The following AKAP9 variants were observed in gnomAD, a reference collection of about 807,000 sequenced individuals.
The protein encoded by AKAP9 is A-kinase anchor protein 9.
In AKAP9, 311 loss-of-function variants were observed where a neutral mutation model predicts 488.5. The observed-to-expected ratio is 0.64, with a 90% CI of 0.58 to 0.70. The LOEUF is 0.70. Ranked by LOEUF, AKAP9 falls within the 30% of genes least tolerant of loss-of-function variation. The probability of loss-of-function intolerance (pLI) is 0.00; values close to 1 mark genes in which losing one functional copy is unlikely to be tolerated. For synonymous variants in AKAP9, 1,462 were observed against 1,483.5 expected (o/e 0.99, Z 0.33); for missense variants, 4,215 against 4,374.5 (o/e 0.96, Z 1.03).
chr7:91,956,902 G>A (rs1423824823), intron 1 of AKAP9, among the ~76,000 whole-genome samples: 1 of 152,120 alleles, frequency 6.6e-6, no homozygotes, highest in East Asian at 1.9e-4. Context: ...GATGCTTTTT[G>A]TGGATAAAAG....
At chr7:91,966,248 G>T (rs1345936511) in intron 1 of AKAP9, among the ~76,000 whole-genome samples, 1 of 151,926 alleles carries the variant, frequency 6.6e-6, no homozygotes, top group Non-Finnish European at 1.5e-5. Flanking sequence ...CTCTGCTTTT[G>T]AGATCTTAGA....
chr7:92,035,625 T>TAA (rs34999518), intron 16 of AKAP9, among the ~76,000 whole-genome samples: 3 of 152,202 alleles, frequency 2.0e-5, no homozygotes, highest in Admixed American at 6.5e-5. Flanking sequence ...GTGAATTTTT[T>TAA]AAAAAAATAG....
intron 21 of AKAP9, among the ~76,000 whole-genome samples, chr7:92,049,250 A>C (rs1356927575): frequency 2.0e-5 from 3 of 152,222 alleles, no homozygotes; most frequent in Non-Finnish European, 2.9e-5. Flanking sequence ...TATTATTGGC[A>C]TCTTGTGAAG....
At position 92,003,122 on chromosome 7, in the gene AKAP9, C is replaced by G; in HGVS notation, c.3205C>G (p.Gln1069Glu). 1 of 1,611,070 alleles carries G rather than the reference C, an allele frequency of 6.2e-7. No individual in the cohort carries two copies. The highest frequency in any genetic ancestry group is 8.5e-7 in the Non-Finnish European group (1 of 1,178,324). The change falls in exon 8 of 50, where the codon CAG becomes GAG. Residue 1069 changes from glutamine (Q) to glutamate (E), a missense_variant. Physicochemically the swap from Gln to Glu is conservative, Grantham distance 29. Around this residue, in one of 5 missense-constraint regions of AKAP9, gnomAD observed 2,361 missense variants for 2,430.0 expected, o/e 0.97. Transcript: ENST00000356239. ...TGTTGGAGAAGAAAGTAAGCAAGAA[C>G]AGTTGATTTTGGATCACTTACCATC... Reference protein sequence around the residue: ...MTVGEESKQEQLILDHLPSVT... With the variant: ...MTVGEESKQEELILDHLPSVT...
chr7:92,062,156 A>G, intron 23 of AKAP9, 118 bp from the exon 24 acceptor site: 2 of 870,924 alleles, frequency 2.3e-6, no homozygotes, highest in South Asian at 3.1e-5. Context: ...AAGACTTTTA[A>G]TAGGTTGGAA....
intron 12 of AKAP9, among the ~76,000 whole-genome samples, chr7:92,021,477 C>G (rs1165030688): frequency 6.6e-6 from 1 of 152,094 alleles, no homozygotes; most frequent in Non-Finnish European, 1.5e-5. Flanking sequence ...CTTGCTCTGT[C>G]TCCCAGGCTA....
At chr7:91,979,603 T>C (rs1375460045) in intron 2 of AKAP9, among the ~76,000 whole-genome samples, 1 of 152,216 alleles carries the variant, frequency 6.6e-6, no homozygotes, top group Non-Finnish European at 1.5e-5. Context: ...CCTATACTCA[T>C]ATACTTATGA....
chr7:92,055,925 C>G (rs1482716680), intron 22 of AKAP9, among the ~76,000 whole-genome samples: 1 of 151,796 alleles, frequency 6.6e-6, no homozygotes, highest in Non-Finnish European at 1.5e-5. Context: ...AGCTTCTTAC[C>G]TTGACCTGTG....
rs1328698974 is a variant in AKAP9 at position 92,103,729 on chromosome 7, C to T, written c.11330+903C>T. Among the ~76,000 whole-genome samples, 12 of 151,194 alleles carry T rather than the reference C, an allele frequency of 7.9e-5. No homozygotes were observed. In the East Asian group the frequency reaches 2.3e-3, roughly 29 times the overall value. Reference sequence around the variant, plus strand: ...AAAAAAATCTGAATAAGCCCATGAACAAGCTCACACATGTAAATAAATAAA... The same window carrying T: ...AAAAAAATCTGAATAAGCCCATGAATAAGCTCACACATGTAAATAAATAAA... On this transcript the variant is annotated intron_variant, in intron 46 of 49. Transcript: ENST00000356239.
intron 7 of AKAP9, among the ~76,000 whole-genome samples, chr7:91,998,960 T>C (rs1284645178): frequency 1.3e-5 from 2 of 152,154 alleles, no homozygotes; most frequent in Non-Finnish European, 2.9e-5. Context: ...ATTAATATCC[T>C]ATTGTAGTGC....
intron 20 of AKAP9, chr7:92,043,362 A>T (rs1806427021): frequency 1.0e-6 from 1 of 981,206 alleles, no homozygotes; most frequent in Non-Finnish European, 1.2e-6. Flanking sequence ...TATGGAACTC[A>T]AACAAGAAAG....
intron 22 of AKAP9, among the ~76,000 whole-genome samples, chr7:92,060,397 G>A (rs953193838): frequency 1.3e-5 from 2 of 152,044 alleles, no homozygotes; most frequent in Non-Finnish European, 2.9e-5. Context: ...AGAAACATTT[G>A]AGTTCAATTT....
chr7:91,948,575 T>C (rs1791765155), intron 1 of AKAP9, among the ~76,000 whole-genome samples: 1 of 151,384 alleles, frequency 6.6e-6, no homozygotes, highest in Admixed American at 6.6e-5. Flanking sequence ...GTATCATCTT[T>C]TAATGCACTT....
At chr7:92,065,555 T>C in intron 25 of AKAP9, 92 bp downstream of exon 25, 1 of 917,204 alleles carries the variant, frequency 1.1e-6, no homozygotes, top group East Asian at 2.7e-5. Context: ...GAAAAGACTG[T>C]TGAGTTAGTT....
At position 92,063,483 on chromosome 7, in the gene AKAP9, A is replaced by C. The variant is rs542127100; in HGVS notation, c.5977+997A>C. On this transcript the variant is annotated intron_variant, in intron 24 of 49. Transcript: ENST00000356239. ...CTAGGACTAGTAGATGCTGCAGTCG[A>C]TGCAGCACCAGGAGCAGGTGTGTGT... 6 of 981,648 alleles carry C rather than the reference A, an allele frequency of 6.1e-6. No homozygotes were observed. The Admixed American group carries it at 3.8e-4, about 62-fold the overall frequency. The allele number at this position is 981,648 out of a possible 1,614,324, so 60.8% of individuals were successfully genotyped here. A position where few individuals can be genotyped will look rare whatever the true frequency, so the allele number is the denominator to read the frequency against.
chr7:92,002,613 A>C lies in AKAP9; in HGVS notation c.2696A>C (p.Glu899Ala), dbSNP rs1176264114. Residue 899 changes from glutamate (E) to alanine (A), a missense_variant, in exon 8 of 50, where the codon GAG becomes GCG. Physicochemically the swap from Glu to Ala is moderately radical, Grantham distance 107 (BLOSUM62 -1). Transcript: ENST00000356239. The part of the protein sequence containing the change: ...YKSKLKALNE[E>A]LHLQRINPTT... Reference sequence around the variant, plus strand: ...AGTAAACTTAAAGCACTTAATGAAGAGCTTCATTTGCAAAGAATAAATCCA... The same window carrying C: ...AGTAAACTTAAAGCACTTAATGAAGCGCTTCATTTGCAAAGAATAAATCCA... 6.2e-7 allele frequency: 1 copy of C among 1,610,574 alleles called. No individual in the cohort carries two copies. The highest frequency in any genetic ancestry group is 2.2e-5 in the East Asian group (1 of 44,814).
intron 6 of AKAP9, among the ~76,000 whole-genome samples, chr7:91,995,240 A>T (rs1359716205): frequency 6.6e-6 from 1 of 152,216 alleles, no homozygotes; most frequent in African/African-American, 2.4e-5. Flanking sequence ...GGAGGTACTT[A>T]GTGTAAGGAT....
intron 1 of AKAP9, among the ~76,000 whole-genome samples, chr7:91,972,875 A>C (rs1185113357): frequency 1.3e-5 from 2 of 152,264 alleles, no homozygotes; most frequent in Non-Finnish European, 2.9e-5. Flanking sequence ...AGGGCTGGAA[A>C]GCACTGCTGT....
At chr7:91,986,105 G>T (rs559957285) in intron 3 of AKAP9, among the ~76,000 whole-genome samples, 5 of 152,210 alleles carry the variant, frequency 3.3e-5, no homozygotes, top group African/African-American at 1.2e-4. Flanking sequence ...CCTGTTATTG[G>T]TCTATTCCGA....
Sources: allele counts gnomAD v4.1 joint callset (sites outside exome capture counted in the v4.1 genomes callset), GRCh38; gene constraint gnomAD v4.1.1; regional missense constraint gnomAD v4.1.1; transcripts MANE v1.5; gene names NCBI Gene and HGNC (gene_info 2026-07-23, HGNC 2026-07-21).